VCAN: variants seen among roughly 807,000 people sequenced by gnomAD.
VCAN encodes versican.
Under a neutral mutation model 245.5 loss-of-function variants are expected in VCAN, and 44 were observed. The ratio of observed to expected loss-of-function variants is 0.18; its 90% CI spans 0.14 to 0.23. VCAN has a LOEUF of 0.23. VCAN is among the 10% of genes least tolerant of loss of function. The probability of loss-of-function intolerance (pLI) is 1.00; values close to 1 mark genes in which losing one functional copy is unlikely to be tolerated. For missense variants in VCAN, 3,793 were observed against 4,057.9 expected (o/e 0.93, Z 1.77); for synonymous variants, 1,413 against 1,437.0 (o/e 0.98, Z 0.38).
intron 12 of VCAN, among the ~76,000 whole-genome samples, chr5:83,567,910 T>C (rs967994294): frequency 6.6e-5 from 10 of 152,330 alleles, no homozygotes; most frequent in Middle Eastern, 6.8e-3. Context: ...TCGCTCAGGA[T>C]GTTTGCTCAT....
In VCAN at chr5:83,519,791, G is replaced by T. The variant is rs1325307701; in HGVS notation, c.1485G>T (p.Val495=). 6.2e-7 allele frequency: 1 copy of T among 1,613,922 alleles called. No individual in the cohort carries two copies. Among genetic ancestry groups the T allele is most frequent in the Admixed American group, 1.7e-5 (1 of 59,988 alleles). ...TTACACAGATTGAACAAATAGAAGT[G>T]GGTCCTTTGGTAACATCTATGGAAA... ...ESVTQIEQIE[V]GPLVTSMEIL... Residue 495 remains valine (V), a synonymous_variant, in exon 7 of 15, where the codon GTG becomes GTT. Transcript: ENST00000265077.
chr5:83,508,033 T>C (rs1350947545), intron 5 of VCAN, among the ~76,000 whole-genome samples: 1 of 152,188 alleles, frequency 6.6e-6, no homozygotes, highest in Admixed American at 6.5e-5. Flanking sequence ...ATGAGCTTCT[T>C]TTTAAGTAAT....
At chr5:83,481,483 T>C (rs1744614107) in intron 1 of VCAN, among the ~76,000 whole-genome samples, 1 of 152,186 alleles carries the variant, frequency 6.6e-6, no homozygotes, top group African/African-American at 2.4e-5. Flanking sequence ...CATAGATATA[T>C]GGTATATACT....
chr5:83,538,326 T>A lies in VCAN; in HGVS notation c.5323T>A (p.Ser1775Thr), dbSNP rs1291558655. The stretch of plus-strand genomic sequence containing the variant: ...TTCAGGTACCAGGAAAAGTTTTATG[T>A]CCTTGACAACACCAACACAGTCTGA... ...SDSGTRKSFM[S>T]LTTPTQSERE... is the part of the protein sequence containing the mutation. Residue 1775 changes from serine (S) to threonine (T), a missense_variant, in exon 8 of 15, where the codon TCC (serine) becomes ACC (threonine). By Grantham distance (58) the Ser-to-Thr change is moderately conservative. Coordinates refer to ENST00000265077, the MANE Select transcript of VCAN (RefSeq NM_004385.5). 3 of 1,614,074 alleles carry A rather than the reference T, an allele frequency of 1.9e-6. No individual in the cohort carries two copies. The highest frequency in any genetic ancestry group is 1.7e-5 in the Admixed American group (1 of 59,994).
intron 12 of VCAN, among the ~76,000 whole-genome samples, chr5:83,571,765 C>G (rs1315598813): frequency 1.3e-5 from 2 of 152,098 alleles, no homozygotes; most frequent in Non-Finnish European, 2.9e-5. Context: ...AAGCACAACT[C>G]AACTGTATGG....
At chr5:83,482,750 T>C (rs1015963980) in intron 1 of VCAN, among the ~76,000 whole-genome samples, 5 of 150,016 alleles carry the variant, frequency 3.3e-5, no homozygotes, top group African/African-American at 1.3e-4. Context: ...TTTTCCAAAG[T>C]CATGCAATAA....
rs567209132 is a variant in VCAN, at chr5:83,500,339, C to G, written c.748+6408C>G. On this transcript the variant is annotated intron_variant, in intron 5 of 14. Coordinates refer to ENST00000265077, the MANE Select transcript of VCAN (RefSeq NM_004385.5). ...ATATAGACTTTGGAGATTAACACAC[C>G]TTGCTTGGAGTTGCTTCTGTGTACA... Among the ~76,000 whole-genome samples, 23 of 152,238 alleles carry G rather than the reference C, an allele frequency of 1.5e-4. No homozygotes were observed. The South Asian group carries it at 4.8e-3, about 32-fold the overall frequency.
At chr5:83,527,684 T>C (rs1354437541) in intron 7 of VCAN, among the ~76,000 whole-genome samples, 4 of 152,200 alleles carry the variant, frequency 2.6e-5, no homozygotes, top group Non-Finnish European at 1.5e-5. Context: ...CACACACATA[T>C]AGAATCTCAA....
chr5:83,566,302 C>T (rs1050191538), intron 12 of VCAN, among the ~76,000 whole-genome samples: 2 of 152,102 alleles, frequency 1.3e-5, no homozygotes, highest in South Asian at 4.1e-4. Context: ...AGGCAGTTAT[C>T]CATCACTGCA....
At chr5:83,556,581 C>T (rs1435685202) in intron 12 of VCAN, among the ~76,000 whole-genome samples, 1 of 152,134 alleles carries the variant, frequency 6.6e-6, no homozygotes, top group Non-Finnish European at 1.5e-5. Context: ...TCAATAGGCT[C>T]ATCTTCTTCT....
At chr5:83,578,141 C>T (rs951420684) in intron 13 of VCAN, among the ~76,000 whole-genome samples, 3 of 152,006 alleles carry the variant, frequency 2.0e-5, no homozygotes, top group Non-Finnish European at 2.9e-5. Flanking sequence ...CCATGGAATA[C>T]GATGCAGCCA....
At position 83,540,199 on chromosome 5, in the gene VCAN, C is replaced by G. The variant is rs1413618107; in HGVS notation, c.7196C>G (p.Thr2399Ser). 6.2e-7 allele frequency: 1 copy of G among 1,614,064 alleles called. No homozygotes were observed. Among genetic ancestry groups the G allele is most frequent in the South Asian group, 1.1e-5 (1 of 91,092 alleles). Residue 2399 changes from threonine to serine, a missense_variant, in exon 8 of 15, where the codon ACT (threonine) becomes AGT (serine). Physicochemically the swap from Thr to Ser is moderately conservative, Grantham distance 58. Coordinates refer to ENST00000265077, the MANE Select transcript of VCAN (RefSeq NM_004385.5). The part of the protein sequence containing the change: ...AEINETTTSS[T>S]DFLARAYGFE... ...ATTAACGAAACAACAACCTCATCTA[C>G]TGATTTTCTGGCTAGAGCTTATGGT...
At chr5:83,474,430 G>T (rs1419589802) in intron 1 of VCAN, among the ~76,000 whole-genome samples, 1 of 152,206 alleles carries the variant, frequency 6.6e-6, no homozygotes, top group African/African-American at 2.4e-5. Context: ...GACTGCAGAG[G>T]CGTGCCGGGA....
intron 6 of VCAN, among the ~76,000 whole-genome samples, chr5:83,513,300 A>AAGG (rs1250677810): frequency 6.6e-6 from 1 of 152,224 alleles, no homozygotes; most frequent in Admixed American, 6.5e-5. Flanking sequence ...GTTGAAACAA[A>AAGG]TTTGTAAACA....
At chr5:83,492,082 G>A (rs1399852725) in intron 3 of VCAN, among the ~76,000 whole-genome samples, 1 of 151,954 alleles carries the variant, frequency 6.6e-6, no homozygotes, top group Non-Finnish European at 1.5e-5. Flanking sequence ...ATGAGAAAAT[G>A]AATGCCAGTT....
At chr5:83,515,262 T>C (rs1466367646) in intron 6 of VCAN, among the ~76,000 whole-genome samples, 1 of 152,256 alleles carries the variant, frequency 6.6e-6, no homozygotes, top group East Asian at 1.9e-4. Context: ...TGGAGAGTTA[T>C]ACAAGGCTTT....
Position 83,520,097 on chromosome 5 carries a change from G to A in VCAN, c.1791G>A (p.Leu597=). 1 of 1,614,012 alleles carries A rather than the reference G, an allele frequency of 6.2e-7. No individual in the cohort carries two copies. The highest frequency in any genetic ancestry group is 8.5e-7 in the Non-Finnish European group (1 of 1,179,962). The part of the protein sequence containing the change: ...EDTIHTHLED[L]ESVSASTTVS... ...CCATCCACACTCATTTAGAAGACTT[G>A]GAGTCAGTCTCAGCATCCACAACTG... The change falls in exon 7 of 15, where the codon TTG becomes TTA. Residue 597 remains leucine (L), a synonymous_variant. Transcript: ENST00000265077.
intron 7 of VCAN, among the ~76,000 whole-genome samples, chr5:83,524,535 CGT>C (rs1561247244): frequency 1.3e-4 from 17 of 128,864 alleles, no homozygotes; most frequent in Middle Eastern, 3.8e-3. Flanking sequence ...TACCTACCTG[CGT>C]ACCTACCTAC....
At chr5:83,545,793 G>T (rs1747189734) in intron 9 of VCAN, 143 bp downstream of exon 9, 1 of 759,698 alleles carries the variant, frequency 1.3e-6, no homozygotes, top group Admixed American at 2.0e-5. Flanking sequence ...AAATCTGAGG[G>T]TAATTAACTA....
Sources: allele counts gnomAD v4.1 joint callset (sites outside exome capture counted in the v4.1 genomes callset), GRCh38; gene constraint gnomAD v4.1.1; transcripts MANE v1.5; gene names NCBI Gene and HGNC (gene_info 2026-07-23, HGNC 2026-07-21).